The following PDE1C variants were observed in gnomAD, a reference collection of about 807,000 sequenced individuals.
PDE1C encodes the protein dual specificity calcium/calmodulin-dependent 3',5'-cyclic nucleotide phosphodiesterase 1C.
In PDE1C, 62 loss-of-function variants were observed where a neutral mutation model predicts 93.1. The ratio of observed to expected loss-of-function variants is 0.67; its 90% CI spans 0.54 to 0.82. The LOEUF (loss-of-function observed/expected upper bound fraction) is 0.82. PDE1C is among the 40% of genes least tolerant of loss of function. The pLI is 0.00. For missense variants in PDE1C, 742 were observed against 884.6 expected (o/e 0.84, Z 2.04); for synonymous variants, 325 against 310.1 (o/e 1.05, Z -0.50).
At chr7:32,119,177 G>T (rs981985671) in intron 3 of PDE1C, among the ~76,000 whole-genome samples, 7 of 152,160 alleles carry the variant, frequency 4.6e-5, no homozygotes, top group Non-Finnish European at 1.0e-4. Flanking sequence ...CAAATTCCAA[G>T]TCTACCAAAA....
At chr7:31,632,746 G>C in the PDE1C span, among the ~76,000 whole-genome samples, 1 of 152,076 alleles carries the variant, frequency 6.6e-6, no homozygotes. Context: ...CTGAAGCCCA[G>C]CTGGGTGACA....
At chr7:31,801,215 C>G (rs1785983016) in intron 16 of PDE1C, among the ~76,000 whole-genome samples, 1 of 150,640 alleles carries the variant, frequency 6.6e-6, no homozygotes, top group Non-Finnish European at 1.5e-5. Context: ...ATATATTAAC[C>G]TTTAGCCATG....
chr7:32,099,696 A>G (rs1563312218), intron 3 of PDE1C, among the ~76,000 whole-genome samples: 1 of 152,152 alleles, frequency 6.6e-6, no homozygotes, highest in Non-Finnish European at 1.5e-5. Flanking sequence ...CTCATCTCCC[A>G]TCACTCTTAC....
chr7:31,874,948 C>T (rs1037780839), intron 5 of PDE1C, among the ~76,000 whole-genome samples: 8 of 152,180 alleles, frequency 5.3e-5, no homozygotes, highest in Admixed American at 2.0e-4. Context: ...AGGTAATAAC[C>T]TCACCAATGA....
the PDE1C span, chr7:31,707,261 A>G: frequency 3.1e-6 from 5 of 1,614,028 alleles, no homozygotes; most frequent in Non-Finnish European, 4.2e-6. Context: ...GACGAAAAGG[A>G]TGGTGACAAG....
intron 3 of PDE1C, among the ~76,000 whole-genome samples, chr7:32,115,959 G>A (rs1296232517): frequency 6.6e-6 from 1 of 152,094 alleles, no homozygotes; most frequent in Admixed American, 6.5e-5. Context: ...AGACCAAGAT[G>A]GCAGGGAAAA....
At chr7:31,731,290 T>C in the PDE1C span, among the ~76,000 whole-genome samples, 1 of 152,040 alleles carries the variant, frequency 6.6e-6, no homozygotes, top group African/African-American at 2.4e-5. Flanking sequence ...GAGGATCAAC[T>C]GGCCCGTTCA....
At chr7:31,946,868 C>G (rs529733652) in intron 2 of PDE1C, among the ~76,000 whole-genome samples, 10 of 152,140 alleles carry the variant, frequency 6.6e-5, no homozygotes, top group Non-Finnish European at 1.2e-4. Flanking sequence ...TTTTTCCTTG[C>G]TATTTGGCAT....
At chr7:32,163,539 A>G (rs905342971) in intron 3 of PDE1C, among the ~76,000 whole-genome samples, 5 of 152,224 alleles carry the variant, frequency 3.3e-5, no homozygotes, top group Admixed American at 2.6e-4. Context: ...GAATCTAGAA[A>G]GCCTTTGCCA....
chr7:31,638,701 T>A, the PDE1C span, among the ~76,000 whole-genome samples: 2 of 152,202 alleles, frequency 1.3e-5, no homozygotes, highest in African/African-American at 4.8e-5. Context: ...ATATGTAATG[T>A]TCCTTTTCTC....
intron 1 of PDE1C, among the ~76,000 whole-genome samples, chr7:32,257,425 T>C (rs1459457442): frequency 6.6e-6 from 1 of 152,194 alleles, no homozygotes; most frequent in East Asian, 1.9e-4. Flanking sequence ...AAATCCTGGC[T>C]CCCTCATTTA....
At chr7:31,828,434 T>A in intron 11 of PDE1C, 61 bp from the exon 12 acceptor site, 1 of 1,301,976 alleles carries the variant, frequency 7.7e-7, no homozygotes, top group Admixed American at 1.9e-5. Context: ...CCAGATTTCA[T>A]TTAGCAACTT....
intron 2 of PDE1C, among the ~76,000 whole-genome samples, chr7:31,992,657 C>T (rs1008791378): frequency 5.3e-5 from 8 of 152,172 alleles, no homozygotes; most frequent in African/African-American, 1.7e-4. Flanking sequence ...AGTCATTGGG[C>T]AGAGCTCAGT....
the PDE1C span, among the ~76,000 whole-genome samples, chr7:31,673,442 CT>C: frequency 6.6e-6 from 1 of 152,110 alleles, no homozygotes; most frequent in Admixed American, 6.5e-5. Flanking sequence ...GTGTGTCTCT[CT>C]CTCTTTAATA....
chr7:32,199,775 C>G (rs1804878826), intron 2 of PDE1C, among the ~76,000 whole-genome samples: 1 of 151,878 alleles, frequency 6.6e-6, no homozygotes. Context: ...TTGAACATCC[C>G]TAATCCAAAA....
intron 2 of PDE1C, among the ~76,000 whole-genome samples, chr7:31,893,118 G>C (rs994915): frequency 0.08 from 12,146 of 152,110 alleles, 578 homozygotes; most frequent in Middle Eastern, 0.17. Context: ...ATGAAATCTA[G>C]AGCTAGCTAT....
intron 3 of PDE1C, among the ~76,000 whole-genome samples, chr7:32,152,726 T>C (rs1801332434): frequency 6.6e-6 from 1 of 152,208 alleles, no homozygotes; most frequent in South Asian, 2.1e-4. Flanking sequence ...AGAATCTAAA[T>C]GTCCAGCAAT....
chr7:31,705,377 T>C, the PDE1C span, among the ~76,000 whole-genome samples: 2 of 152,178 alleles, frequency 1.3e-5, no homozygotes, highest in Non-Finnish European at 2.9e-5. Flanking sequence ...ATTTTGGGGC[T>C]CAGCATAGCT....
intron 1 of PDE1C, among the ~76,000 whole-genome samples, chr7:32,232,482 G>A (rs1329882755): frequency 6.6e-6 from 1 of 152,082 alleles, no homozygotes; most frequent in African/African-American, 2.4e-5. Flanking sequence ...TTATCTCTCC[G>A]TCCTCCTGCC....
Sources: gnomAD v4.1 joint callset for allele counts (sites outside exome capture counted in the v4.1 genomes callset) on GRCh38, gnomAD v4.1.1 for gene constraint, MANE v1.5 for transcripts, NCBI Gene and HGNC (gene_info 2026-07-23, HGNC 2026-07-21) for gene names.